The following PCDHA2 variants were observed in gnomAD, a reference collection of about 807,000 sequenced individuals.
PCDHA2 encodes protocadherin alpha-2.
A neutral mutation model predicts 66.0 loss-of-function variants in PCDHA2; 58 were observed. The ratio of observed to expected loss-of-function variants is 0.88; its 90% CI spans 0.71 to 1.09. The LOEUF (loss-of-function observed/expected upper bound fraction) is 1.09. Ranked by LOEUF, PCDHA2 falls within the 50% of genes least tolerant of loss-of-function variation. PCDHA2 has a pLI of 0.00. For missense variants in PCDHA2, 1,267 were observed against 1,242.3 expected, an observed-to-expected ratio of 1.02 and a Z score of -0.30; for synonymous variants, 634 against 554.0, an observed-to-expected ratio of 1.14 and a Z score of -2.03.
intron 3 of PCDHA2, among the ~76,000 whole-genome samples, chr5:141,001,540 G>A (rs1318714170): frequency 6.6e-6 from 1 of 152,174 alleles, no homozygotes; most frequent in African/African-American, 2.4e-5. Flanking sequence ...TCCTGGACAG[G>A]ATTTGGGTTT....
At chr5:141,004,508 G>A (rs1554259596) in intron 3 of PCDHA2, among the ~76,000 whole-genome samples, 1 of 152,200 alleles carries the variant, frequency 6.6e-6, no homozygotes. Flanking sequence ...GCTGTGAGGG[G>A]CTCCCTCTGC....
In PCDHA2 at chr5:140,797,082, G is replaced by T. The variant is rs376374088; in HGVS notation, c.2118G>T (p.Ala706=). 6 of 1,613,950 alleles carry T rather than the reference G, an allele frequency of 3.7e-6. No homozygotes were observed. The highest frequency in any genetic ancestry group is 1.1e-5 in the South Asian group (1 of 91,088). The part of the protein sequence containing the change: ...VNVYLIIAIC[A]VSSLLVLTVL... ...TGTACCTGATCATCGCCATCTGCGC[G>T]GTATCCAGCCTGTTGGTGCTCACGG... is the stretch of plus-strand genomic sequence containing the variant. The change falls in exon 1 of 4, where the codon GCG becomes GCT. Residue 706 remains alanine, a synonymous_variant. Coordinates refer to ENST00000526136, the MANE Select transcript of PCDHA2 (RefSeq NM_018905.3).
chr5:140,836,540 G>C (rs2150263388), intron 1 of PCDHA2: 5 of 1,613,664 alleles, frequency 3.1e-6, no homozygotes, highest in African/African-American at 1.3e-5. Flanking sequence ...TGCTGTACAC[G>C]GCGTTGCGGT....
intron 1 of PCDHA2, among the ~76,000 whole-genome samples, chr5:140,972,578 C>A (rs1554234223): frequency 6.6e-6 from 1 of 151,798 alleles, no homozygotes; most frequent in Non-Finnish European, 1.5e-5. Flanking sequence ...GGCAATAGGG[C>A]AGAATTTCTC....
At chr5:140,990,367 A>G (rs1162635749) in intron 3 of PCDHA2, among the ~76,000 whole-genome samples, 1 of 152,104 alleles carries the variant, frequency 6.6e-6, no homozygotes, top group Non-Finnish European at 1.5e-5. Context: ...AATCTAATAA[A>G]GCAAATTTGT....
At chr5:140,829,688 T>C in intron 1 of PCDHA2, 1 of 1,613,234 alleles carries the variant, frequency 6.2e-7, no homozygotes, top group Non-Finnish European at 8.5e-7. Flanking sequence ...GCTGCTGCAG[T>C]TTCAGGTGAG....
intron 1 of PCDHA2, chr5:140,843,756 G>A: frequency 2.7e-6 from 4 of 1,503,408 alleles, no homozygotes; most frequent in Non-Finnish European, 3.7e-6. Flanking sequence ...TTCTATTTGT[G>A]GAAATTGTAG....
At chr5:140,954,526 G>A (rs2095049912) in intron 1 of PCDHA2, among the ~76,000 whole-genome samples, 1 of 152,184 alleles carries the variant, frequency 6.6e-6, no homozygotes, top group Admixed American at 6.5e-5. Flanking sequence ...GATCAGTGAT[G>A]TTGAGGTTTT....
At chr5:140,892,363 G>T (rs1485881453) in intron 1 of PCDHA2, among the ~76,000 whole-genome samples, 1 of 152,120 alleles carries the variant, frequency 6.6e-6, no homozygotes, top group African/African-American at 2.4e-5. Context: ...CAGGCATCTT[G>T]GGGCACTAGC....
intron 1 of PCDHA2, chr5:140,877,081 G>A: frequency 6.2e-7 from 1 of 1,613,120 alleles, no homozygotes; most frequent in Non-Finnish European, 8.5e-7. Flanking sequence ...CCAGGTGAGC[G>A]CGCGCGACGC....
chr5:140,868,245 C>T (rs1264028092), intron 1 of PCDHA2: 1 of 152,002 alleles, frequency 6.6e-6, no homozygotes, highest in Non-Finnish European at 1.5e-5. Context: ...GATCAATAGA[C>T]TTTTCCTTTG....
chr5:140,928,854 G>A (rs2085594573), intron 1 of PCDHA2: 1 of 1,614,178 alleles, frequency 6.2e-7, no homozygotes, highest in Non-Finnish European at 8.5e-7. Context: ...CTCTGGGTGT[G>A]CTGTTGAGCA....
chr5:140,954,057 A>C (rs1554221238), intron 1 of PCDHA2, among the ~76,000 whole-genome samples: 1 of 152,112 alleles, frequency 6.6e-6, no homozygotes, highest in Admixed American at 6.5e-5. Flanking sequence ...TTCCTGCATT[A>C]TTATGCTGAG....
intron 1 of PCDHA2, chr5:140,813,385 A>G (rs1283175355): frequency 6.6e-6 from 1 of 152,194 alleles, no homozygotes; most frequent in African/African-American, 2.4e-5. Flanking sequence ...TACATGATCT[A>G]TTGCTTCTAG....
chr5:140,879,761 G>A (rs2058106657), intron 1 of PCDHA2, among the ~76,000 whole-genome samples: 1 of 152,152 alleles, frequency 6.6e-6, no homozygotes, highest in South Asian at 2.1e-4. Flanking sequence ...TACTCTCTTT[G>A]GAGGCCCCAG....
chr5:140,932,032 A>G (rs2087965086), intron 1 of PCDHA2, among the ~76,000 whole-genome samples: 1 of 151,934 alleles, frequency 6.6e-6, no homozygotes, highest in African/African-American at 2.4e-5. Context: ...TTTACAGTAT[A>G]TATTAACATA....
chr5:140,989,653 T>A (rs1308581336), intron 3 of PCDHA2, among the ~76,000 whole-genome samples: 2 of 152,194 alleles, frequency 1.3e-5, no homozygotes, highest in African/African-American at 4.8e-5. Context: ...ATGGCAATAT[T>A]TTAAAAGAAA....
At chr5:140,799,405 CTT>C (rs1439676067) in intron 1 of PCDHA2, among the ~76,000 whole-genome samples, 6 of 152,028 alleles carry the variant, frequency 3.9e-5, no homozygotes, top group African/African-American at 1.2e-4. Context: ...AAATTTATCT[CTT>C]ATTTTCAAAC....
intron 1 of PCDHA2, chr5:140,823,634 C>A (rs367738406): frequency 1.2e-6 from 2 of 1,613,942 alleles, no homozygotes; most frequent in African/African-American, 2.7e-5. Flanking sequence ...GCGCGCATCC[C>A]GTTCCGCGTG....
Sources: allele counts gnomAD v4.1 joint callset (sites outside exome capture counted in the v4.1 genomes callset), GRCh38; gene constraint gnomAD v4.1.1; transcripts MANE v1.5; gene names NCBI Gene and HGNC (gene_info 2026-07-23, HGNC 2026-07-21).